The following CREBL2 variants were observed in gnomAD, a reference collection of about 807,000 sequenced individuals.
CREBL2 encodes the protein cAMP-responsive element-binding protein-like 2.
Under a neutral mutation model 19.5 loss-of-function variants are expected in CREBL2, and 4 were observed. The ratio of observed to expected loss-of-function variants is 0.20; its 90% CI spans 0.10 to 0.47. The LOEUF (loss-of-function observed/expected upper bound fraction) is 0.47. Among genes scored for constraint, CREBL2 ranks in the 20% least tolerant of loss-of-function variants. CREBL2 has a pLI of 0.98. For synonymous variants in CREBL2, 42 were observed against 46.6 expected (o/e 0.90, Z 0.40); for missense variants, 85 against 145.1 (o/e 0.59, Z 2.13).
Position 12,612,008 on chromosome 12 carries a change from C to G in CREBL2, c.-165C>G, listed in dbSNP as rs1224391626. 2.4e-6 allele frequency: 2 copies of G among 830,102 alleles called. No homozygotes were observed. The highest frequency in any genetic ancestry group is 2.6e-5 in the East Asian group (1 of 37,756). The allele number at this position is 830,102 out of a possible 1,614,324, so 51.4% of individuals were successfully genotyped here. A position where few individuals can be genotyped will look rare whatever the true frequency, so the allele number is the denominator to read the frequency against. On this transcript the variant is annotated 5_prime_UTR_variant, in exon 1 of 4. Transcript: ENST00000228865. ...CGCTCTGCCATTCCTGAACTGGTCC[C>G]TCGTCCCCGTGACTCTGGCATCAGG...
intron 1 of CREBL2, among the ~76,000 whole-genome samples, chr12:12,616,145 G>GT (rs1215026820): frequency 1.3e-5 from 2 of 152,200 alleles, no homozygotes; most frequent in East Asian, 3.9e-4. Context: ...CTGATTTTCA[G>GT]TTTTTTCCTT....
intron 1 of CREBL2, among the ~76,000 whole-genome samples, chr12:12,631,757 G>A (rs1046430171): frequency 2.0e-5 from 3 of 152,032 alleles, no homozygotes; most frequent in Admixed American, 2.0e-4. Context: ...TAAGGCAACT[G>A]GTACTAACCT....
intron 1 of CREBL2, among the ~76,000 whole-genome samples, chr12:12,617,202 T>A (rs1945317370): frequency 1.3e-5 from 2 of 152,166 alleles, no homozygotes; most frequent in South Asian, 4.1e-4. Context: ...TGAATCAGGG[T>A]GACATTAAGG....
chr12:12,618,882 T>A (rs1945337482), intron 1 of CREBL2, among the ~76,000 whole-genome samples: 1 of 151,846 alleles, frequency 6.6e-6, no homozygotes, highest in Admixed American at 6.6e-5. Flanking sequence ...CACCAAAAAA[T>A]ACAAAAACCA....
rs1249747103 is a variant in CREBL2 at position 12,643,459 on chromosome 12, A to G, written c.*1461A>G. ...AGTGAAGCAAATATTTAGCTTCCAA[A>G]TAAAGTATATTTTGTTCTGAACTGG... On this transcript the variant is annotated 3_prime_UTR_variant, in exon 4 of 4. Transcript: ENST00000228865. The G allele has an allele frequency of 6.6e-6, 1 of 152,618 alleles. No homozygotes were observed. Among genetic ancestry groups the G allele is most frequent in the Non-Finnish European group, 1.5e-5 (1 of 68,030 alleles). 9.5% of individuals were successfully genotyped at this position (152,618 alleles called of 1,614,324 possible). A position where few individuals can be genotyped will look rare whatever the true frequency, so the allele number is the denominator to read the frequency against.
At chr12:12,620,878 A>G (rs970596949) in intron 1 of CREBL2, among the ~76,000 whole-genome samples, 1 of 152,224 alleles carries the variant, frequency 6.6e-6, no homozygotes, top group African/African-American at 2.4e-5. Flanking sequence ...ATTACAATAC[A>G]GTGAGGTAGA....
At chr12:12,629,155 G>A (rs1021886069) in intron 1 of CREBL2, among the ~76,000 whole-genome samples, 5 of 152,160 alleles carry the variant, frequency 3.3e-5, no homozygotes, top group Non-Finnish European at 7.4e-5. Flanking sequence ...TCAGCAAAAA[G>A]GTAGCTGAGA....
At chr12:12,623,365 A>G (rs1407755751) in intron 1 of CREBL2, among the ~76,000 whole-genome samples, 1 of 152,192 alleles carries the variant, frequency 6.6e-6, no homozygotes, top group Non-Finnish European at 1.5e-5. Flanking sequence ...AAAATAAAGC[A>G]TATAAATTCA....
At chr12:12,641,247 A>AT (rs1380373401) in intron 3 of CREBL2, among the ~76,000 whole-genome samples, 62 of 22,050 alleles carry the variant, frequency 2.8e-3, no homozygotes, top group African/African-American at 5.4e-3. Context: ...TATTATTATT[A>AT]TTATTATTTT....
chr12:12,630,746 C>T (rs1015032222), intron 1 of CREBL2, among the ~76,000 whole-genome samples: 2 of 152,156 alleles, frequency 1.3e-5, no homozygotes, highest in African/African-American at 4.8e-5. Flanking sequence ...GTGTTCCGCT[C>T]CCTCTGAGGA....
At chr12:12,631,854 C>G (rs1004986101) in intron 1 of CREBL2, among the ~76,000 whole-genome samples, 2 of 151,852 alleles carry the variant, frequency 1.3e-5, no homozygotes, top group East Asian at 3.9e-4. Context: ...ATAAAGTAGT[C>G]TCATATACAT....
At chr12:12,616,856 C>T (rs548522878) in intron 1 of CREBL2, among the ~76,000 whole-genome samples, 98 of 152,184 alleles carry the variant, frequency 6.4e-4, no homozygotes, top group Non-Finnish European at 8.8e-4. Flanking sequence ...CCCTTGAGAG[C>T]ATAAAGGATG....
chr12:12,636,653 C>T (rs1945477861), intron 2 of CREBL2, among the ~76,000 whole-genome samples: 2 of 152,190 alleles, frequency 1.3e-5, no homozygotes, highest in Non-Finnish European at 2.9e-5. Context: ...AATCTCCTGA[C>T]CTCATGGTCC....
chr12:12,641,250 A>ATC (rs1945515587), intron 3 of CREBL2, among the ~76,000 whole-genome samples: 3 of 58,020 alleles, frequency 5.2e-5, no homozygotes, highest in Non-Finnish European at 1.0e-4. Flanking sequence ...TATTATTATT[A>ATC]TTATTTTTTT....
chr12:12,641,312 A>ATTTTTTTTTTTTTTTTTTTTTT (rs1945520075), intron 3 of CREBL2, among the ~76,000 whole-genome samples: 1 of 108,884 alleles, frequency 9.2e-6, no homozygotes, highest in Non-Finnish European at 1.9e-5. Context: ...CAATGTTTCA[A>ATTTTTTTTTTTTTTTTTTTTTT]TATTTTTTTT....
chr12:12,613,033 G>A (rs1298359221), intron 1 of CREBL2, among the ~76,000 whole-genome samples: 1 of 152,024 alleles, frequency 6.6e-6, no homozygotes, highest in Non-Finnish European at 1.5e-5. Flanking sequence ...CACCATGCCC[G>A]GCTAATTTTG....
At chr12:12,636,736 T>C (rs575284359) in intron 2 of CREBL2, among the ~76,000 whole-genome samples, 6 of 152,356 alleles carry the variant, frequency 3.9e-5, no homozygotes, top group African/African-American at 1.4e-4. Flanking sequence ...ATTTTGTTTA[T>C]TTTACATGTT....
In CREBL2 at chr12:12,643,325, C is replaced by T. The variant is rs987757543; in HGVS notation, c.*1327C>T. ...CATAATATGATACACCCAGACAGAC[C>T]CAGAAATCTTTTGATTTCCCCAGCG... On this transcript the variant is annotated 3_prime_UTR_variant, in exon 4 of 4. Transcript: ENST00000228865. 2 of 152,576 alleles carry T rather than the reference C, an allele frequency of 1.3e-5. No homozygotes were observed. The highest frequency in any genetic ancestry group is 4.1e-4 in the South Asian group (2 of 4,824). The allele number at this position is 152,576 out of a possible 1,614,324, so 9.5% of individuals were successfully genotyped here. A position where few individuals can be genotyped will look rare whatever the true frequency, so the allele number is the denominator to read the frequency against.
In CREBL2 at chr12:12,636,084, GA is replaced by G. The variant is rs140631002; in HGVS notation, c.213+111del. On this transcript the variant is annotated intron_variant, in intron 2 of 3. Coordinates refer to ENST00000228865, the MANE Select transcript of CREBL2 (RefSeq NM_001310.4). ...ACCTGTCCAGTTGGCAAACATTGGAGAGAATATTAATCTGTTAGCCAGGATG... is the reference window on the plus strand; with the variant it reads ...ACCTGTCCAGTTGGCAAACATTGGAGGAATATTAATCTGTTAGCCAGGATG... 3,387 of 1,036,548 alleles carry G rather than the reference GA, an allele frequency of 3.3e-3. 120 individuals are homozygous for G. The East Asian group carries it at 0.075, about 23-fold the overall frequency. 64.2% of individuals were successfully genotyped at this position (1,036,548 alleles called of 1,614,324 possible).
Sources: gnomAD v4.1 joint callset for allele counts (sites outside exome capture counted in the v4.1 genomes callset) on GRCh38, gnomAD v4.1.1 for gene constraint, MANE v1.5 for transcripts, NCBI Gene and HGNC (gene_info 2026-07-23, HGNC 2026-07-21) for gene names.